OR52N4: variants seen among roughly 807,000 people sequenced by gnomAD.
The protein encoded by OR52N4 is olfactory receptor family 52 subfamily N member 4.
Under a neutral mutation model 15.0 loss-of-function variants are expected in OR52N4, and 15 were observed. That is an observed-to-expected ratio of 1.00 (90% confidence interval 0.67 to 1.54). The LOEUF (loss-of-function observed/expected upper bound fraction) is 1.54, where lower values mean the gene tolerates loss of function less well. Ranked by LOEUF, OR52N4 falls within the 40% of genes most tolerant of loss-of-function variation. The pLI is 0.00. For missense variants in OR52N4, 421 were observed against 394.0 expected (o/e 1.07, Z -0.58); for synonymous variants, 143 against 143.7 (o/e 1.00, Z 0.03).
the OR52N4 span, among the ~76,000 whole-genome samples, chr11:5,746,582 G>T: frequency 6.6e-6 from 1 of 152,094 alleles, no homozygotes; most frequent in East Asian, 1.9e-4. Flanking sequence ...TATCATCAGA[G>T]AAATGCAAAT....
the OR52N4 span, chr11:5,734,143 A>G: frequency 1.5e-5 from 7 of 456,004 alleles, no homozygotes; most frequent in East Asian, 1.4e-4. Flanking sequence ...ATCTTGTGTT[A>G]AAGCATCTTT....
the OR52N4 span, among the ~76,000 whole-genome samples, chr11:5,727,936 G>A: frequency 6.6e-6 from 1 of 152,156 alleles, no homozygotes; most frequent in Non-Finnish European, 1.5e-5. Flanking sequence ...CATAAACCCT[G>A]TATTTCTCCA....
chr11:5,732,083 ATATTAC>A, the OR52N4 span, among the ~76,000 whole-genome samples: 1 of 152,160 alleles, frequency 6.6e-6, no homozygotes, highest in Non-Finnish European at 1.5e-5. Context: ...AACATACCAT[ATATTAC>A]TATTGACTGT....
At chr11:5,736,163 T>C in the OR52N4 span, 2 of 231,640 alleles carry the variant, frequency 8.6e-6, no homozygotes, top group Non-Finnish European at 1.7e-5. Context: ...TATCCCCAAA[T>C]CCTCAATATA....
the OR52N4 span, chr11:5,734,362 C>A: frequency 5.8e-6 from 2 of 343,602 alleles, no homozygotes; most frequent in Non-Finnish European, 1.1e-5. Context: ...GTTTTAGTAG[C>A]ATATAGAGGA....
At chr11:5,736,657 A>G in the OR52N4 span, 1 of 1,613,970 alleles carries the variant, frequency 6.2e-7, no homozygotes, top group African/African-American at 1.3e-5. Context: ...ATCTCTCAGC[A>G]CTTGCTGCAA....
the OR52N4 span, among the ~76,000 whole-genome samples, chr11:5,735,187 C>T: frequency 6.6e-6 from 1 of 151,912 alleles, no homozygotes; most frequent in Non-Finnish European, 1.5e-5. Context: ...ATAGCTTCCA[C>T]CATGGCAAAA....
chr11:5,734,833 C>A, the OR52N4 span, among the ~76,000 whole-genome samples: 30 of 152,136 alleles, frequency 2.0e-4, no homozygotes, highest in Admixed American at 1.0e-3. Context: ...CTAGCTTTAC[C>A]TCCATTATTG....
chr11:5,744,385 C>T, the OR52N4 span, among the ~76,000 whole-genome samples: 2 of 152,142 alleles, frequency 1.3e-5, no homozygotes, highest in African/African-American at 4.8e-5. Context: ...GATTCCAAAG[C>T]CGGGTAAGGA....
chr11:5,753,566 T>C (rs1564958044), upstream of OR52N4, among the ~76,000 whole-genome samples: 3 of 152,216 alleles, frequency 2.0e-5, no homozygotes, highest in Non-Finnish European at 4.4e-5. Context: ...ACAAGAAAGA[T>C]ATCTTGAAAA....
chr11:5,742,258 C>T, the OR52N4 span, among the ~76,000 whole-genome samples: 5 of 151,974 alleles, frequency 3.3e-5, no homozygotes, highest in Admixed American at 6.6e-5. Flanking sequence ...TATAGGCATT[C>T]CTAGGGAGAA....
the OR52N4 span, among the ~76,000 whole-genome samples, chr11:5,741,284 A>G: frequency 2.6e-5 from 4 of 152,212 alleles, no homozygotes; most frequent in Non-Finnish European, 5.9e-5. Context: ...ACATAAGAAC[A>G]TAGAGAATAA....
the OR52N4 span, chr11:5,737,823 T>C: frequency 5.1e-6 from 1 of 196,044 alleles, no homozygotes; most frequent in Non-Finnish European, 1.1e-5. Context: ...ATACATTCAA[T>C]CAGACAAATG....
At chr11:5,749,732 C>T (rs567654287), upstream of OR52N4, among the ~76,000 whole-genome samples, 1 of 151,750 alleles carries the variant, frequency 6.6e-6, no homozygotes, top group Non-Finnish European at 1.5e-5. Flanking sequence ...GAAGTTGGGT[C>T]TACTAGATTG....
chr11:5,729,190 G>A, the OR52N4 span, among the ~76,000 whole-genome samples: 1 of 134,424 alleles, frequency 7.4e-6, no homozygotes, highest in Non-Finnish European at 1.5e-5. Flanking sequence ...CATGATCTCA[G>A]CTCACTACCA....
the OR52N4 span, among the ~76,000 whole-genome samples, chr11:5,729,564 T>A: frequency 2.0e-4 from 31 of 152,366 alleles, no homozygotes; most frequent in Middle Eastern, 6.8e-3. Flanking sequence ...TTATACTGTA[T>A]CATGGGTTTC....
chr11:5,734,242 G>A, the OR52N4 span: 4 of 454,964 alleles, frequency 8.8e-6, no homozygotes, highest in South Asian at 4.7e-5. Flanking sequence ...CAAGGTAAGT[G>A]ATAAAATCTT....
Position 5,754,838 on chromosome 11 carries a change from T to C in OR52N4, c.98T>C (p.Phe33Ser), listed in dbSNP as rs1382200270. Reference sequence around the variant, plus strand: ...ACACAACTCTGGATTTCCTTCCCATTCTGCTCTATGTATGTTGTGGCTATG... The same window carrying C: ...ACACAACTCTGGATTTCCTTCCCATCCTGCTCTATGTATGTTGTGGCTATG... ...EDTQLWISFP[F>S]CSMYVVAMVG... is the part of the protein sequence containing the mutation. Residue 33 changes from phenylalanine to serine, a missense_variant, in exon 2 of 2, where the codon TTC becomes TCC. By Grantham distance (155) the Phe-to-Ser change is radical. Transcript: ENST00000641350. 6.2e-7 allele frequency: 1 copy of C among 1,613,810 alleles called. No individual in the cohort carries two copies.
At chr11:5,730,355 C>T in the OR52N4 span, among the ~76,000 whole-genome samples, 2 of 151,894 alleles carry the variant, frequency 1.3e-5, no homozygotes, top group Non-Finnish European at 2.9e-5. Context: ...CCATGCCTGG[C>T]TAATTTTTTG....
Sources: allele counts gnomAD v4.1 joint callset (sites outside exome capture counted in the v4.1 genomes callset), GRCh38; gene constraint gnomAD v4.1.1; transcripts MANE v1.5; gene names NCBI Gene and HGNC (gene_info 2026-07-23, HGNC 2026-07-21).